The following UNC13C variants were observed in gnomAD, a reference collection of about 807,000 sequenced individuals.
The protein encoded by UNC13C is protein unc-13 homolog C.
A neutral mutation model predicts 245.4 loss-of-function variants in UNC13C; 174 were observed. The ratio of observed to expected loss-of-function variants is 0.71; its 90% CI spans 0.63 to 0.80. The LOEUF is 0.80. Among genes scored for constraint, UNC13C ranks in the 30% least tolerant of loss-of-function variants. UNC13C has a pLI of 0.00. For synonymous variants in UNC13C, 992 were observed against 895.1 expected (o/e 1.11, Z -1.93); for missense variants, 2,829 against 2,602.9 (o/e 1.09, Z -1.89).
chr15:54,147,011 C>T (rs556777653), intron 4 of UNC13C, among the ~76,000 whole-genome samples: 71 of 152,108 alleles, frequency 4.7e-4, no homozygotes, highest in Admixed American at 9.8e-4. Flanking sequence ...AAGTAGCCAG[C>T]TCTATTATCT....
At chr15:53,925,331 CACA>C in the UNC13C span, among the ~76,000 whole-genome samples, 1 of 152,080 alleles carries the variant, frequency 6.6e-6, no homozygotes, top group Non-Finnish European at 1.5e-5. Flanking sequence ...AAAGAGGAAA[CACA>C]ACAAGACACT....
In UNC13C at chr15:54,627,027, A is replaced by C; in HGVS notation, c.6559A>C (p.Ile2187Leu). Residue 2187 changes from isoleucine to leucine, a missense_variant, in exon 33 of 33, where the codon ATA (isoleucine) becomes CTA (leucine). Ile to Leu is a conservative substitution (Grantham distance 5). Coordinates refer to ENST00000260323, the MANE Select transcript of UNC13C (RefSeq NM_001080534.3). The stretch of plus-strand genomic sequence containing the variant: ...TGAAACTGGTTTGACTATCCTTAGA[A>C]TACTCTCTCAGAGGACCAGTGATGA... ...MDETGLTILR[I>L]LSQRTSDDVA... is the part of the protein sequence containing the mutation. The C allele has an allele frequency of 5.0e-6, 8 of 1,613,346 alleles. No homozygotes were observed. The highest frequency in any genetic ancestry group is 5.9e-6 in the Non-Finnish European group (7 of 1,179,530).
intron 1 of UNC13C, among the ~76,000 whole-genome samples, chr15:54,006,949 G>T (rs1332504961): frequency 1.3e-5 from 2 of 152,184 alleles, no homozygotes; most frequent in Admixed American, 1.3e-4. Context: ...TCTGCACTTT[G>T]TGAGGGTTGC....
the UNC13C span, among the ~76,000 whole-genome samples, chr15:53,908,417 C>G: frequency 1.4e-5 from 2 of 145,966 alleles, 1 homozygote; most frequent in Non-Finnish European, 3.1e-5. Flanking sequence ...ATGAAATGGT[C>G]AGGCTAGCAG....
chr15:54,498,967 G>A (rs1472660871), intron 20 of UNC13C, among the ~76,000 whole-genome samples: 2 of 152,122 alleles, frequency 1.3e-5, no homozygotes, highest in Non-Finnish European at 2.9e-5. Context: ...TTATTGGTTA[G>A]CTAATAAAGT....
chr15:54,345,912 T>A (rs1014751338), intron 17 of UNC13C, among the ~76,000 whole-genome samples: 1 of 152,164 alleles, frequency 6.6e-6, no homozygotes, highest in Non-Finnish European at 1.5e-5. Flanking sequence ...TTTGCCTGCC[T>A]TATATTTACC....
chr15:54,344,966 A>C (rs1342995945), intron 17 of UNC13C, among the ~76,000 whole-genome samples: 1 of 141,578 alleles, frequency 7.1e-6, no homozygotes, highest in Non-Finnish European at 1.6e-5. Context: ...TTTTTTAAAA[A>C]AGGAAGTCAG....
intron 4 of UNC13C, among the ~76,000 whole-genome samples, chr15:54,233,546 A>G (rs1327340449): frequency 6.6e-6 from 1 of 152,100 alleles, no homozygotes; most frequent in Non-Finnish European, 1.5e-5. Flanking sequence ...TTTTATCTTT[A>G]TTACTACTTT....
At chr15:54,619,384 T>A (rs1022226827) in intron 30 of UNC13C, among the ~76,000 whole-genome samples, 4 of 152,196 alleles carry the variant, frequency 2.6e-5, no homozygotes, top group Non-Finnish European at 5.9e-5. Context: ...TTATCCCTTA[T>A]CCTTTCTTTG....
chr15:54,175,508 ATTTTTTTT>A (rs55925649), intron 4 of UNC13C, among the ~76,000 whole-genome samples: 1 of 106,044 alleles, frequency 9.4e-6, no homozygotes, highest in Non-Finnish European at 1.8e-5. Context: ...TGGCCCTAGA[ATTTTTTTT>A]TTTTTTTTTT....
At chr15:54,389,977 C>T (rs1170661368) in intron 17 of UNC13C, among the ~76,000 whole-genome samples, 2 of 152,158 alleles carry the variant, frequency 1.3e-5, no homozygotes, top group Non-Finnish European at 2.9e-5. Flanking sequence ...AATCCACCTA[C>T]CTCAGCCTCC....
chr15:53,950,942 A>G, the UNC13C span, among the ~76,000 whole-genome samples: 24 of 152,158 alleles, frequency 1.6e-4, no homozygotes, highest in Non-Finnish European at 3.5e-4. Context: ...TACAAAGCGA[A>G]ATGTAATATA....
chr15:54,013,375 A>G lies in UNC13C; in HGVS notation c.472A>G (p.Ser158Gly). ...MPVRRNRKSS[S>G]SLAPSEGSSD... ...AGTTAGACGCAACAGAAAGAGTTCA[A>G]GCAGCCTTGCACCCTCTGAGGGCAG... The change falls in exon 2 of 33, where the codon AGC becomes GGC. Residue 158 changes from serine to glycine, a missense_variant. Ser to Gly is a moderately conservative substitution (Grantham distance 56, BLOSUM62 0). Coordinates refer to ENST00000260323, the MANE Select transcript of UNC13C (RefSeq NM_001080534.3). 1 of 1,613,892 alleles carries G rather than the reference A, an allele frequency of 6.2e-7. No homozygotes were observed. Among genetic ancestry groups the G allele is most frequent in the Non-Finnish European group, 8.5e-7 (1 of 1,179,874 alleles).
chr15:53,878,257 C>T, the UNC13C span, among the ~76,000 whole-genome samples: 5 of 152,232 alleles, frequency 3.3e-5, no homozygotes, highest in African/African-American at 1.2e-4. Flanking sequence ...CTCCTCACCG[C>T]CAAACCTCAA....
At chr15:54,482,648 C>CTGTTCTCTCCCAGATGCTGTATTCCAT (rs372442647) in intron 19 of UNC13C, among the ~76,000 whole-genome samples, 1 of 151,948 alleles carries the variant, frequency 6.6e-6, no homozygotes, top group Non-Finnish European at 1.5e-5. Context: ...CTGTATTCCA[C>CTGTTCTCTCCCAGATGCTGTATTCCAT]ATGTGGTTAC....
the UNC13C span, among the ~76,000 whole-genome samples, chr15:53,920,832 C>T: frequency 6.7e-6 from 1 of 149,506 alleles, no homozygotes; most frequent in African/African-American, 2.5e-5. Context: ...AGTTCTTGTC[C>T]TCTTAGAGTT....
At chr15:54,194,310 G>A (rs1036766349) in intron 4 of UNC13C, among the ~76,000 whole-genome samples, 2 of 152,096 alleles carry the variant, frequency 1.3e-5, no homozygotes, top group Non-Finnish European at 2.9e-5. Flanking sequence ...TTTCCCTGAT[G>A]TATGCTCTTA....
intron 30 of UNC13C, among the ~76,000 whole-genome samples, chr15:54,592,356 TTC>T (rs947525300): frequency 2.6e-5 from 4 of 152,124 alleles, no homozygotes; most frequent in African/African-American, 9.7e-5. Flanking sequence ...TTTGTCGACT[TTC>T]TGTCTTGATG....
At chr15:54,418,022 C>T (rs1220910217) in intron 19 of UNC13C, among the ~76,000 whole-genome samples, 1 of 152,078 alleles carries the variant, frequency 6.6e-6, no homozygotes, top group Admixed American at 6.6e-5. Flanking sequence ...CTCCCTGATT[C>T]AAGCCATTCT....
Sources: allele counts gnomAD v4.1 joint callset (sites outside exome capture counted in the v4.1 genomes callset), GRCh38; gene constraint gnomAD v4.1.1; transcripts MANE v1.5; gene names NCBI Gene and HGNC (gene_info 2026-07-23, HGNC 2026-07-21).